NRP1: variants seen among roughly 807,000 people sequenced by gnomAD.
The protein encoded by NRP1 is neuropilin 1, also known as neuropilin-1.
A neutral mutation model predicts 106.7 loss-of-function variants in NRP1; 35 were observed. The observed-to-expected ratio is 0.33, with a 90% CI of 0.25 to 0.43. The LOEUF is 0.43. NRP1 is among the 20% of genes least tolerant of loss of function. NRP1 has a pLI of 1.00. For missense variants in NRP1, 1,024 were observed against 1,170.4 expected, an observed-to-expected ratio of 0.87 and a Z score of 1.83; for synonymous variants, 437 against 417.9, an observed-to-expected ratio of 1.05 and a Z score of -0.56.
At chr10:33,196,343 C>T (rs191192595) in intron 12 of NRP1, among the ~76,000 whole-genome samples, 85 of 152,270 alleles carry the variant, frequency 5.6e-4, no homozygotes, top group African/African-American at 1.9e-3. Flanking sequence ...CACCTCACCC[C>T]TCTTCCCTAT....
At chr10:33,200,762 C>T (rs1200947899) in intron 11 of NRP1, among the ~76,000 whole-genome samples, 1 of 152,178 alleles carries the variant, frequency 6.6e-6, no homozygotes, top group African/African-American at 2.4e-5. Context: ...GAGGTTTTTG[C>T]CTCTTGCAAA....
chr10:33,297,008 A>G (rs1186226616), intron 2 of NRP1, among the ~76,000 whole-genome samples: 1 of 152,146 alleles, frequency 6.6e-6, no homozygotes, highest in African/African-American at 2.4e-5. Context: ...AAAAAAGAAT[A>G]AAAAACCAAT....
Position 33,197,330 on chromosome 10 carries a change from A to G in NRP1, c.1924+320T>C, listed in dbSNP as rs187082751. 1.4e-3 allele frequency among the ~76,000 whole-genome samples: 219 copies of G among 152,294 alleles called. 1 individual carries two copies. Among genetic ancestry groups the G allele is most frequent in the Non-Finnish European group, 2.6e-3 (174 of 68,022 alleles). ...AAATAGTCGGGCTGTGCTGCCTGTG[A>G]GATTTCCTTCTCCTGTAGTTTGCAA... On this transcript the variant is annotated intron_variant, in intron 12 of 16. Transcript: ENST00000374867.
At chr10:33,280,687 A>C (rs1326436744) in intron 2 of NRP1, among the ~76,000 whole-genome samples, 1 of 152,076 alleles carries the variant, frequency 6.6e-6, no homozygotes, top group African/African-American at 2.4e-5. Flanking sequence ...TTTTCCCTAT[A>C]AAGAATATTC....
rs189857741 is a variant in NRP1 at position 33,224,845 on chromosome 10, G to A, written c.1137+1289C>T. ...TTTGGTTTTCTCCTCCTGAAGTAGCGCTTATTTTAAAAAGAAATGGCCTGA... is the reference window on the plus strand; with the variant it reads ...TTTGGTTTTCTCCTCCTGAAGTAGCACTTATTTTAAAAAGAAATGGCCTGA... On this transcript the variant is annotated intron_variant, in intron 7 of 16. Coordinates refer to ENST00000374867, the MANE Select transcript of NRP1 (RefSeq NM_003873.7). 9.9e-5 allele frequency among the ~76,000 whole-genome samples: 15 copies of A among 152,238 alleles called. No individual in the cohort carries two copies. In the East Asian group the frequency reaches 1.5e-3, roughly 16 times the overall value.
intron 2 of NRP1, among the ~76,000 whole-genome samples, chr10:33,276,331 C>G (rs1451671665): frequency 1.3e-5 from 2 of 151,822 alleles, no homozygotes. Context: ...TTTTTTCTTC[C>G]CCCACCCACT....
chr10:33,197,521 T>C, intron 12 of NRP1, 129 bp downstream of exon 12: 1 of 573,604 alleles, frequency 1.7e-6, no homozygotes, highest in East Asian at 3.2e-5. Context: ...TTATGGCTCA[T>C]GCTTGGAGAC....
chr10:33,195,685 T>C (rs1033268462), intron 12 of NRP1: 1 of 429,988 alleles, frequency 2.3e-6, no homozygotes, highest in Admixed American at 2.8e-5. Context: ...CCATGCAATA[T>C]TCTGGGCATT....
rs1427901626 is a variant in NRP1, at chr10:33,178,720, T to G, written c.*1356A>C. On this transcript the variant is annotated 3_prime_UTR_variant, in exon 17 of 17. Coordinates refer to ENST00000374867, the MANE Select transcript of NRP1 (RefSeq NM_003873.7). The stretch of plus-strand genomic sequence containing the variant: ...CTTTGGGTCTCACTTGAAAGCCAAT[T>G]TGTATTATTTCTTTCCTCAACTTAT... 1 of 152,460 alleles carries G rather than the reference T, an allele frequency of 6.6e-6. No homozygotes were observed. Among genetic ancestry groups the G allele is most frequent in the African/African-American group, 2.4e-5 (1 of 41,430 alleles). The allele number at this position is 152,460 out of a possible 1,614,324, so 9.4% of individuals were successfully genotyped here.
chr10:33,185,922 A>G (rs1398882515), intron 14 of NRP1, among the ~76,000 whole-genome samples, 198 bp from the exon 15 acceptor site: 2 of 152,188 alleles, frequency 1.3e-5, no homozygotes, highest in Non-Finnish European at 2.9e-5. Context: ...CTTATAATAC[A>G]AACTTTAAAA....
intron 1 of NRP1, among the ~76,000 whole-genome samples, 180 bp from the exon 2 acceptor site, chr10:33,331,062 C>A (rs976675283): frequency 6.6e-6 from 1 of 152,140 alleles, no homozygotes; most frequent in Non-Finnish European, 1.5e-5. Flanking sequence ...ACTCTTTGAT[C>A]TCAGGAAGGT....
intron 2 of NRP1, among the ~76,000 whole-genome samples, chr10:33,280,472 C>T (rs1482660638): frequency 6.6e-6 from 1 of 152,050 alleles, no homozygotes; most frequent in Non-Finnish European, 1.5e-5. Flanking sequence ...ATAACTTGTT[C>T]ACCTCCCTAT....
At chr10:33,213,145 C>A (rs866936245) in intron 9 of NRP1, 2 of 1,119,410 alleles carry the variant, frequency 1.8e-6, no homozygotes, top group Non-Finnish European at 2.5e-6. Context: ...AGCTGTCTGT[C>A]CATCCCTACA....
intron 1 of NRP1, among the ~76,000 whole-genome samples, chr10:33,332,494 G>A (rs1238183572): frequency 6.6e-6 from 1 of 152,160 alleles, no homozygotes; most frequent in Non-Finnish European, 1.5e-5. Flanking sequence ...CTAGTCACTC[G>A]ACAGAGTCAC....
chr10:33,207,307 A>C (rs1044250648), intron 10 of NRP1, among the ~76,000 whole-genome samples: 1 of 147,018 alleles, frequency 6.8e-6, no homozygotes, highest in African/African-American at 2.5e-5. Flanking sequence ...AACTCTATAA[A>C]TTATCTTTTT....
At position 33,263,629 on chromosome 10, in the gene NRP1, C is replaced by T. The variant is rs753421195; in HGVS notation, c.658+17G>A. ...TCCAGAACCTTCCCTTTTTGGGGTG[C>T]TTCCTGTCATTCTTACCATCAGGGA... is the stretch of plus-strand genomic sequence containing the variant. On this transcript the variant is annotated intron_variant, in intron 4 of 16. Transcript: ENST00000374867. 1.8e-5 allele frequency: 29 copies of T among 1,593,850 alleles called. 2 individuals are homozygous for T. In the South Asian group the frequency reaches 3.2e-4, roughly 18 times the overall value.
chr10:33,213,354 G>A (rs1838469140), intron 9 of NRP1, 32 bp downstream of exon 9: 3 of 1,614,112 alleles, frequency 1.9e-6, no homozygotes, highest in Non-Finnish European at 2.5e-6. Context: ...AAGGACATAA[G>A]GGATGACCTC....
chr10:33,297,672 G>A (rs576528384), intron 2 of NRP1, among the ~76,000 whole-genome samples: 183 of 141,028 alleles, frequency 1.3e-3, no homozygotes, highest in African/African-American at 4.7e-3. Flanking sequence ...GGGAGACAGA[G>A]CGAGACTTTG....
intron 2 of NRP1, among the ~76,000 whole-genome samples, chr10:33,278,134 G>A (rs1455712482): frequency 6.6e-6 from 1 of 152,100 alleles, no homozygotes; most frequent in Non-Finnish European, 1.5e-5. Flanking sequence ...CAGGGTGTAA[G>A]GTGATTTTTT....
Sources: allele counts gnomAD v4.1 joint callset (sites outside exome capture counted in the v4.1 genomes callset), GRCh38; gene constraint gnomAD v4.1.1; transcripts MANE v1.5; gene names NCBI Gene and HGNC (gene_info 2026-07-23, HGNC 2026-07-21).